The following OR4N5 variants were observed in gnomAD, a reference collection of about 807,000 sequenced individuals.
The protein encoded by OR4N5 is olfactory receptor 4N5.
For missense variants in OR4N5, 428 were observed against 370.0 expected, an observed-to-expected ratio of 1.16 and a Z score of -1.29; for synonymous variants, 155 against 140.6, an observed-to-expected ratio of 1.10 and a Z score of -0.72.
chr14:20,142,020 T>C (rs1878624141), intron 2 of OR4N5, among the ~76,000 whole-genome samples: 1 of 152,206 alleles, frequency 6.6e-6, no homozygotes, highest in Non-Finnish European at 1.5e-5. Context: ...TTTGAAATCA[T>C]TCATTGCAAT....
Position 20,144,836 on chromosome 14 carries a change from T to C in OR4N5, c.*174T>C, listed in dbSNP as rs1878705883. 5.1e-6 allele frequency: 3 copies of C among 582,956 alleles called. No individual in the cohort carries two copies. Among genetic ancestry groups the C allele is most frequent in the East Asian group, 2.8e-5 (1 of 35,176 alleles). 36.1% of individuals were successfully genotyped at this position (582,956 alleles called of 1,614,324 possible). On this transcript the variant is annotated 3_prime_UTR_variant, in exon 3 of 3. Transcript: ENST00000641086. ...AATGAGACAGGTAAGATTCCAGGTC[T>C]CCTAGATTTATATTCAAGGGGATAA...
At position 20,144,440 on chromosome 14, in the gene OR4N5, G is replaced by A. The variant is rs1295382375; in HGVS notation, c.705G>A (p.Lys235=). 5 of 1,613,250 alleles carry A rather than the reference G, an allele frequency of 3.1e-6. No individual in the cohort carries two copies. Among genetic ancestry groups the A allele is most frequent in the Non-Finnish European group, 8.5e-7 (1 of 1,179,248 alleles). ...IREHSSEGKS[K]AISTCTTHII... ...AGCACTCCTCTGAAGGAAAGAGCAA[G>A]GCTATTTCCACATGCACCACCCATA... is the stretch of plus-strand genomic sequence containing the variant. The change falls in exon 3 of 3, where the codon AAG becomes AAA. Residue 235 remains lysine (K), a synonymous_variant. Coordinates refer to ENST00000641086, the MANE Select transcript of OR4N5 (RefSeq NM_001004724.2).
At position 20,144,755 on chromosome 14, in the gene OR4N5, G is replaced by T; in HGVS notation, c.*93G>T. On this transcript the variant is annotated 3_prime_UTR_variant, in exon 3 of 3. Transcript: ENST00000641086. ...ATGCATTGAATCAGTCAGTCATTTAGCAAGTATTATAATTATTAAGTACTT... is the reference window on the plus strand; with the variant it reads ...ATGCATTGAATCAGTCAGTCATTTATCAAGTATTATAATTATTAAGTACTT... The T allele has an allele frequency of 2.6e-6, 2 of 778,944 alleles. No homozygotes were observed. Among genetic ancestry groups the T allele is most frequent in the Non-Finnish European group, 4.1e-6 (2 of 483,986 alleles). 48.3% of individuals were successfully genotyped at this position (778,944 alleles called of 1,614,324 possible).
chr14:20,143,253 A>G (rs764145707), intron 2 of OR4N5, among the ~76,000 whole-genome samples: 1 of 152,244 alleles, frequency 6.6e-6, no homozygotes, highest in Non-Finnish European at 1.5e-5. Context: ...CCAGGAACCA[A>G]GAATTCCATA....
intron 2 of OR4N5, among the ~76,000 whole-genome samples, 173 bp from the exon 3 acceptor site, chr14:20,143,552 T>C (rs564546677): frequency 6.6e-6 from 1 of 152,262 alleles, no homozygotes; most frequent in African/African-American, 2.4e-5. Flanking sequence ...TTTATTTTAG[T>C]GAGGAATAAA....
In OR4N5 at chr14:20,144,148, C is replaced by T; in HGVS notation, c.413C>T (p.Pro138Leu). ...RPLHYSTIMN[P>L]RACYALSLVL... ...TTACACTATTCAACCATCATGAACC[C>T]TAGAGCCTGCTATGCATTATCGTTG... is the stretch of plus-strand genomic sequence containing the variant. The change falls in exon 3 of 3, where the codon CCT becomes CTT. Residue 138 changes from proline (P) to leucine (L), a missense_variant. Coordinates refer to ENST00000641086, the MANE Select transcript of OR4N5 (RefSeq NM_001004724.2). The T allele has an allele frequency of 6.2e-7, 1 of 1,614,094 alleles. No homozygotes were observed. Among genetic ancestry groups the T allele is most frequent in the Non-Finnish European group, 8.5e-7 (1 of 1,179,976 alleles).
Position 20,143,897 on chromosome 14 carries a change from G to T in OR4N5, c.162G>T (p.Gly54=). 1 of 1,613,944 alleles carries T rather than the reference G, an allele frequency of 6.2e-7. No individual in the cohort carries two copies. Residue 54 remains glycine, a synonymous_variant, in exon 3 of 3, where the codon GGG becomes GGT. Transcript: ENST00000641086. ...TTTTCACCATAAAGTCAGACCCTGG[G>T]CTCACAGCCCCCCTCTATTTCTTTC... ...LIIFTIKSDP[G]LTAPLYFFLG... is the part of the protein sequence containing the mutation.
intron 2 of OR4N5, 74 bp from the exon 3 acceptor site, chr14:20,143,651 A>T: frequency 2.0e-6 from 2 of 990,206 alleles, no homozygotes; most frequent in Non-Finnish European, 1.5e-6. Context: ...TAATGTTCTT[A>T]TCTGGAGAGG....
In OR4N5 at chr14:20,141,014, G is replaced by A. The variant is rs1050970523; in HGVS notation, c.-209G>A. 6.6e-6 allele frequency: 1 copy of A among 152,064 alleles called. No homozygotes were observed. The highest frequency in any genetic ancestry group is 6.6e-5 in the Admixed American group (1 of 15,260). The allele number at this position is 152,064 out of a possible 1,614,324, so 9.4% of individuals were successfully genotyped here. A position where few individuals can be genotyped will look rare whatever the true frequency, so the allele number is the denominator to read the frequency against. ...ACATAAATGAGGACAAAGGAAAGAA[G>A]AAAAGTGGATTAAAGATGTTGAGTA... On this transcript the variant is annotated 5_prime_UTR_variant, in exon 2 of 3. Coordinates refer to ENST00000641086, the MANE Select transcript of OR4N5 (RefSeq NM_001004724.2).
rs1878684370 is a variant in OR4N5, at chr14:20,144,247, CA to C, written c.515del (p.Asn172ThrfsTer27). On this transcript the variant is annotated frameshift_variant, in exon 3 of 3. Transcript: ENST00000641086. LOFTEE classifies it low-confidence loss of function (END_TRUNC). ...ALILHLPFCG[P>X]NQLDNFFCDV... ...ATCCTGCACTTGCCTTTCTGTGGCC[CA>C]AACCAGCTCGATAACTTCTTCTGTG... 3 of 1,613,938 alleles carry C rather than the reference CA, an allele frequency of 1.9e-6. No homozygotes were observed. The highest frequency in any genetic ancestry group is 2.7e-5 in the African/African-American group (2 of 74,894).
chr14:20,140,028 T>C (rs950191096), intron 1 of OR4N5, among the ~76,000 whole-genome samples: 3 of 152,204 alleles, frequency 2.0e-5, no homozygotes, highest in African/African-American at 7.2e-5. Flanking sequence ...AAGTAAGGCT[T>C]AGCACTGGGG....
chr14:20,144,426 G>A lies in OR4N5; in HGVS notation c.691G>A (p.Glu231Lys). The A allele has an allele frequency of 6.2e-7, 1 of 1,613,946 alleles. No individual in the cohort carries two copies. The highest frequency in any genetic ancestry group is 2.2e-5 in the East Asian group (1 of 44,846). Residue 231 changes from glutamate (E) to lysine (K), a missense_variant, in exon 3 of 3, where the codon GAA becomes AAA. Physicochemically the swap from Glu to Lys is moderately conservative, Grantham distance 56. Transcript: ENST00000641086. ...CTGTCGTATAAGGGAGCACTCCTCT[G>A]AAGGAAAGAGCAAGGCTATTTCCAC... ...ILCRIREHSS[E>K]GKSKAISTCT...
In OR4N5 at chr14:20,144,258, G is replaced by A. The variant is rs764860630; in HGVS notation, c.523G>A (p.Asp175Asn). The A allele has an allele frequency of 8.1e-6, 13 of 1,614,018 alleles. No homozygotes were observed. The highest frequency in any genetic ancestry group is 1.7e-5 in the Admixed American group (1 of 59,984). ...GCCTTTCTGTGGCCCAAACCAGCTCGATAACTTCTTCTGTGATGTTCCACA... is the reference window on the plus strand; with the variant it reads ...GCCTTTCTGTGGCCCAAACCAGCTCAATAACTTCTTCTGTGATGTTCCACA... ...HLPFCGPNQLDNFFCDVPQVI... is the reference protein window; with the variant it reads ...HLPFCGPNQLNNFFCDVPQVI... Residue 175 changes from aspartate (D) to asparagine (N), a missense_variant, in exon 3 of 3, where the codon GAT (aspartate) becomes AAT (asparagine). Transcript: ENST00000641086.
At position 20,144,599 on chromosome 14, in the gene OR4N5, G is replaced by T. The variant is rs148568304; in HGVS notation, c.864G>T (p.Thr288=). 2.3e-5 allele frequency: 37 copies of T among 1,613,514 alleles called. No individual in the cohort carries two copies. In the East Asian group the frequency reaches 7.8e-4, roughly 34 times the overall value. Residue 288 remains threonine (T), a synonymous_variant, in exon 3 of 3, where the codon ACG becomes ACT. Coordinates refer to ENST00000641086, the MANE Select transcript of OR4N5 (RefSeq NM_001004724.2). ...IFPLMNPVIY[T]LRNQEVKASM... ...CTTTGATGAACCCTGTTATTTATAC[G>T]CTTCGCAACCAGGAGGTGAAAGCTT...
At position 20,144,455 on chromosome 14, in the gene OR4N5, C is replaced by T. The variant is rs139029681; in HGVS notation, c.720C>T (p.Cys240=). 4.3e-6 allele frequency: 7 copies of T among 1,614,026 alleles called. No homozygotes were observed. The highest frequency in any genetic ancestry group is 5.9e-6 in the Non-Finnish European group (7 of 1,179,906). The change falls in exon 3 of 3, where the codon TGC becomes TGT. Residue 240 remains cysteine, a synonymous_variant. Transcript: ENST00000641086. ...SEGKSKAIST[C]TTHIIIIFLM... The stretch of plus-strand genomic sequence containing the variant: ...GAAAGAGCAAGGCTATTTCCACATG[C>T]ACCACCCATATTATCATTATATTTC...
chr14:20,141,616 A>G (rs923739458), intron 2 of OR4N5, among the ~76,000 whole-genome samples: 2 of 151,956 alleles, frequency 1.3e-5, no homozygotes, highest in African/African-American at 2.4e-5. Flanking sequence ...ATTTTTCTTT[A>G]TTCTTTTTCT....
chr14:20,144,100 G>A lies in OR4N5; in HGVS notation c.365G>A (p.Arg122His), dbSNP rs1878677599. 4.3e-6 allele frequency: 7 copies of A among 1,613,904 alleles called. No homozygotes were observed. Among genetic ancestry groups the A allele is most frequent in the South Asian group, 3.3e-5 (3 of 91,082 alleles). Residue 122 changes from arginine to histidine, a missense_variant, in exon 3 of 3, where the codon CGC becomes CAC. Coordinates refer to ENST00000641086, the MANE Select transcript of OR4N5 (RefSeq NM_001004724.2). ...CTCCTCGTTGTGATGGCCTTTGACC[G>A]CTACATCGCCATCTGCCGGCCTTTA... The part of the protein sequence containing the change: ...MFLLVVMAFD[R>H]YIAICRPLHY...
At position 20,141,198 on chromosome 14, in the gene OR4N5, G is replaced by T. The variant is rs1878609194; in HGVS notation, c.-25G>T. On this transcript the variant is annotated 5_prime_UTR_variant, in exon 2 of 3. Transcript: ENST00000641086. ...GATAACTAACTATAATTGAACATCT[G>T]GAATGAATAAAAGGTAGGACTAGGG... The T allele has an allele frequency of 6.6e-6, 1 of 152,000 alleles. No individual in the cohort carries two copies. The highest frequency in any genetic ancestry group is 2.4e-5 in the African/African-American group (1 of 41,388). 9.4% of individuals were successfully genotyped at this position (152,000 alleles called of 1,614,324 possible). A position where few individuals can be genotyped will look rare whatever the true frequency, so the allele number is the denominator to read the frequency against.
chr14:20,144,353 C>A lies in OR4N5; in HGVS notation c.618C>A (p.Leu206=). 1 of 1,614,016 alleles carries A rather than the reference C, an allele frequency of 6.2e-7. No homozygotes were observed. Among genetic ancestry groups the A allele is most frequent in the Non-Finnish European group, 8.5e-7 (1 of 1,179,986 alleles). The change falls in exon 3 of 3, where the codon CTC becomes CTA. Residue 206 remains leucine (L), a synonymous_variant. Coordinates refer to ENST00000641086, the MANE Select transcript of OR4N5 (RefSeq NM_001004724.2). The part of the protein sequence containing the change: ...ELLMVSNSGL[L]SLLCFLGLLA... Reference sequence around the variant, plus strand: ...TGATGGTCTCCAACAGTGGCCTGCTCAGCCTCCTGTGCTTCCTGGGCCTTC... The same window carrying A: ...TGATGGTCTCCAACAGTGGCCTGCTAAGCCTCCTGTGCTTCCTGGGCCTTC...
Sources: allele counts gnomAD v4.1 joint callset (sites outside exome capture counted in the v4.1 genomes callset), GRCh38; gene constraint gnomAD v4.1.1; transcripts MANE v1.5; gene names NCBI Gene and HGNC (gene_info 2026-07-23, HGNC 2026-07-21).